The following SPDYE16 variants were observed in gnomAD, a reference collection of about 807,000 sequenced individuals.
SPDYE16 encodes the protein speedy protein E16.
A neutral mutation model predicts 40.1 loss-of-function variants in SPDYE16; 5 were observed. The ratio of observed to expected loss-of-function variants is 0.12; its 90% CI spans 0.07 to 0.26. SPDYE16 has a LOEUF of 0.26. Ranked by LOEUF, SPDYE16 falls within the 10% of genes least tolerant of loss-of-function variation. The pLI is 1.00. For synonymous variants in SPDYE16, 40 were observed against 154.2 expected (o/e 0.26, Z 5.49); for missense variants, 98 against 409.8 (o/e 0.24, Z 6.57).
Position 76,539,078 on chromosome 7 carries a change from T to G in SPDYE16, c.380-262A>C, listed in dbSNP as rs879080168. ...CTCTCTGAGTCTCTCTTTTTTTTTT[T>G]TTTTTGTTGTTGTTGTTGAGAAACA... On this transcript the variant is annotated intron_variant, in intron 3 of 8. Coordinates refer to ENST00000633306, the MANE Select transcript of SPDYE16 (RefSeq NM_001394943.1). Among the ~76,000 whole-genome samples, 70 of 75,794 alleles carry G rather than the reference T, an allele frequency of 9.2e-4. 16 individuals are homozygous for G. The highest frequency in any genetic ancestry group is 5.8e-3 in the South Asian group (12 of 2,058). 49.7% of individuals were successfully genotyped at this position (75,794 alleles called of 152,430 possible).
chr7:76,538,331 G>A (rs1168531541), intron 4 of SPDYE16, among the ~76,000 whole-genome samples: 1 of 106,208 alleles, frequency 9.4e-6, no homozygotes, highest in African/African-American at 4.2e-5. Flanking sequence ...CTCCCAACGT[G>A]CTAGGATCTC....
chr7:76,540,110 TC>T lies in SPDYE16; in HGVS notation c.379+17del, dbSNP rs1813138328. 9.1e-7 allele frequency: 1 copy of T among 1,099,018 alleles called. No homozygotes were observed. The highest frequency in any genetic ancestry group is 1.8e-5 in the African/African-American group (1 of 56,290). The allele number at this position is 1,099,018 out of a possible 1,614,324, so 68.1% of individuals were successfully genotyped here. On this transcript the variant is annotated intron_variant, in intron 3 of 8. Transcript: ENST00000633306. Reference sequence around the variant, plus strand: ...AGAAAGAACAGGATTGGAGGTGCTCTCTGGGGTGTCCTCCTACCAAGCTGAC... The same window carrying T: ...AGAAAGAACAGGATTGGAGGTGCTCTTGGGGTGTCCTCCTACCAAGCTGAC...
intron 3 of SPDYE16, among the ~76,000 whole-genome samples, chr7:76,539,474 A>C (rs1813121156): frequency 2.5e-5 from 1 of 39,984 alleles, no homozygotes; most frequent in Non-Finnish European, 3.9e-5. Flanking sequence ...TTTTTTTTTG[A>C]GAGAGCGTCT....
chr7:76,542,038 TTATCA>T, intron 1 of SPDYE16, among the ~76,000 whole-genome samples, 158 bp from the exon 2 acceptor site: 3 of 149,510 alleles, frequency 2.0e-5, no homozygotes, highest in African/African-American at 5.0e-5. Context: ...AAGAGTGAGA[TTATCA>T]TGTACAAGAG....
At chr7:76,539,067 C>CT (rs1179456186) in intron 3 of SPDYE16, among the ~76,000 whole-genome samples, 1,180 of 56,644 alleles carry the variant, frequency 0.021, 256 homozygotes, top group Admixed American at 0.11. Flanking sequence ...CTGAGTCTCT[C>CT]TTTTTTTTTT....
intron 3 of SPDYE16, among the ~76,000 whole-genome samples, chr7:76,539,486 ACTCT>A (rs1230429857): frequency 1.6e-5 from 1 of 61,932 alleles, no homozygotes; most frequent in Admixed American, 2.3e-4. Flanking sequence ...AGAGCGTCTC[ACTCT>A]CTCACCCAGA....
chr7:76,541,984 A>G lies in SPDYE16; in HGVS notation c.-421-104T>C, dbSNP rs370972769. Among the ~76,000 whole-genome samples the G allele has an allele frequency of 3.1e-3, 306 of 98,226 alleles. 1 individual carries two copies. Among genetic ancestry groups the G allele is most frequent in the Non-Finnish European group, 5.9e-3 (237 of 39,892 alleles). The allele number at this position is 98,226 out of a possible 152,430, so 64.4% of individuals were successfully genotyped here. ...ATGTACAAGAGTGAGATTATCACGT[A>G]CAAGAGTGAGATTATCATGTACAAG... is the stretch of plus-strand genomic sequence containing the variant. On this transcript the variant is annotated intron_variant, in intron 1 of 8. Transcript: ENST00000633306.
chr7:76,535,707 T>C (rs1813025519), intron 6 of SPDYE16, among the ~76,000 whole-genome samples: 1 of 56,710 alleles, frequency 1.8e-5, no homozygotes, highest in Non-Finnish European at 3.3e-5. Flanking sequence ...TTTTTTTTTT[T>C]TTTTTTTTTT....
rs1232340646 is a variant in SPDYE16 at position 76,541,353 on chromosome 7, G to A, written c.107C>T (p.Thr36Ile). Residue 36 changes from threonine to isoleucine, a missense_variant, in exon 2 of 9, where the codon ACC (threonine) becomes ATC (isoleucine). Coordinates refer to ENST00000633306, the MANE Select transcript of SPDYE16 (RefSeq NM_001394943.1). ...CACCTCCTGGAGGGAGTACCCCGAG[G>A]TGCTCCGCTGGGGACTCTGCTCATT... ...PQNEQSPQRSTSGYSLQEVVD... is the reference protein window; with the variant it reads ...PQNEQSPQRSISGYSLQEVVD... 6 of 1,534,746 alleles carry A rather than the reference G, an allele frequency of 3.9e-6. No individual in the cohort carries two copies. Among genetic ancestry groups the A allele is most frequent in the East Asian group, 2.4e-5 (1 of 40,902 alleles).
Position 76,534,425 on chromosome 7 carries a change from C to T in SPDYE16, c.756-306G>A, listed in dbSNP as rs1283323564. ...CTTGAGGCCAGGAGTTTGAGACGGG[C>T]CTGGGCAACATAGCAAGACCCTCGT... On this transcript the variant is annotated intron_variant, in intron 6 of 8. Coordinates refer to ENST00000633306, the MANE Select transcript of SPDYE16 (RefSeq NM_001394943.1). Among the ~76,000 whole-genome samples the T allele has an allele frequency of 1.0e-4, 9 of 86,540 alleles. 3 individuals carry two copies. Among genetic ancestry groups the T allele is most frequent in the South Asian group, 8.0e-4 (2 of 2,504 alleles). 56.8% of individuals were successfully genotyped at this position (86,540 alleles called of 152,430 possible).
At chr7:76,541,931 G>A (rs1813195200) in intron 1 of SPDYE16, among the ~76,000 whole-genome samples, 51 bp from the exon 2 acceptor site, 2 of 145,764 alleles carry the variant, frequency 1.4e-5, no homozygotes, top group Admixed American at 7.0e-5. Flanking sequence ...AAGCAGAAAC[G>A]ATGAAACCTT....
intron 1 of SPDYE16, among the ~76,000 whole-genome samples, 126 bp from the exon 2 acceptor site, chr7:76,542,006 CAAGAGTGAGATTATCAT>C (rs1563775758): frequency 1.6e-3 from 203 of 126,626 alleles, no homozygotes; most frequent in African/African-American, 5.4e-3. Flanking sequence ...TTATCATGTA[CAAGAGTGAGATTATCAT>C]GTACAAGAGT....
chr7:76,541,266 C>T, intron 2 of SPDYE16, 34 bp downstream of exon 2: 2 of 1,532,316 alleles, frequency 1.3e-6, no homozygotes, highest in Non-Finnish European at 1.7e-6. Flanking sequence ...CTTAGTCAAT[C>T]CTATCCCACC....
chr7:76,541,394 A>T lies in SPDYE16; in HGVS notation c.66T>A (p.Arg22=), dbSNP rs1052579688. The T allele has an allele frequency of 2.0e-6, 3 of 1,534,526 alleles. No homozygotes were observed. The highest frequency in any genetic ancestry group is 2.4e-5 in the South Asian group (2 of 83,950). ...TCTGCTCATTCTGGGGGTGAGGTTG[A>T]CGGCTGGTCGTGATCTTTCCCTTAA... is the stretch of plus-strand genomic sequence containing the variant. The part of the protein sequence containing the change: ...GQIKGKITTS[R]QPHPQNEQSP... The change falls in exon 2 of 9, where the codon CGT becomes CGA. Residue 22 remains arginine (R), a synonymous_variant. Coordinates refer to ENST00000633306, the MANE Select transcript of SPDYE16 (RefSeq NM_001394943.1).
Position 76,532,496 on chromosome 7 carries a change from C to T in SPDYE16, c.*344G>A. 8.7e-6 allele frequency: 2 copies of T among 229,738 alleles called. 1 individual carries two copies. Among genetic ancestry groups the T allele is most frequent in the Non-Finnish European group, 1.6e-5 (2 of 128,918 alleles). 14.2% of individuals were successfully genotyped at this position (229,738 alleles called of 1,614,324 possible). On this transcript the variant is annotated 3_prime_UTR_variant, in exon 9 of 9. Coordinates refer to ENST00000633306, the MANE Select transcript of SPDYE16 (RefSeq NM_001394943.1). ...TAAGAAACAGGACCTCAGGTTCCGCCCCAGGGAGGTTGGCATTCAGCAATA... is the reference window on the plus strand; with the variant it reads ...TAAGAAACAGGACCTCAGGTTCCGCTCCAGGGAGGTTGGCATTCAGCAATA...
At chr7:76,535,606 A>T in intron 6 of SPDYE16, among the ~76,000 whole-genome samples, 1 of 47,932 alleles carries the variant, frequency 2.1e-5, no homozygotes. Flanking sequence ...CCGCTCCTCC[A>T]CTCCTTTTCT....
rs374209569 is a variant in SPDYE16 at position 76,540,932 on chromosome 7, G to T, written c.160+368C>A. On this transcript the variant is annotated intron_variant, in intron 2 of 8. Transcript: ENST00000633306. Reference sequence around the variant, plus strand: ...CCATTCTTCCCACACACCCTCCTCAGGTTCTCCTTCCTGACCGCTGACCCT... The same window carrying T: ...CCATTCTTCCCACACACCCTCCTCATGTTCTCCTTCCTGACCGCTGACCCT... 1.4e-4 allele frequency among the ~76,000 whole-genome samples: 20 copies of T among 143,900 alleles called. No homozygotes were observed. The East Asian group carries it at 3.6e-3, about 26-fold the overall frequency. 94.4% of individuals were successfully genotyped at this position (143,900 alleles called of 152,430 possible).
chr7:76,541,033 C>T (rs1813167788), intron 2 of SPDYE16, among the ~76,000 whole-genome samples: 2 of 125,156 alleles, frequency 1.6e-5, no homozygotes, highest in South Asian at 5.5e-4. Flanking sequence ...ACCTCTTCCT[C>T]CCAGTCTCAA....
chr7:76,540,730 T>G (rs1401723413), intron 2 of SPDYE16, among the ~76,000 whole-genome samples: 1 of 109,980 alleles, frequency 9.1e-6, no homozygotes, highest in Non-Finnish European at 1.8e-5. Context: ...CTCAGGTAGC[T>G]GGGATTACAG....
Sources: allele counts gnomAD v4.1 joint callset (sites outside exome capture counted in the v4.1 genomes callset), GRCh38; gene constraint gnomAD v4.1.1; transcripts MANE v1.5; gene names NCBI Gene and HGNC (gene_info 2026-07-23, HGNC 2026-07-21).